The following PPM1K variants were observed in gnomAD, a reference collection of about 807,000 sequenced individuals.
The protein encoded by PPM1K is protein phosphatase, Mg2+/Mn2+ dependent 1K, also known as protein phosphatase Mn(2+)-dependent 1K.
PPM1K carries 19 observed loss-of-function variants against 32.6 expected under a neutral mutation model. The observed-to-expected ratio is 0.58, with a 90% CI of 0.41 to 0.86. The LOEUF is 0.86. Among genes scored for constraint, PPM1K ranks in the 40% least tolerant of loss-of-function variants. PPM1K has a pLI of 0.00. For missense variants in PPM1K, 362 were observed against 461.2 expected (o/e 0.78, Z 1.97); for synonymous variants, 159 against 165.3 (o/e 0.96, Z 0.29).
At chr4:88,264,630 A>C (rs953118136) in intron 6 of PPM1K, among the ~76,000 whole-genome samples, 4 of 152,230 alleles carry the variant, frequency 2.6e-5, no homozygotes, top group Non-Finnish European at 4.4e-5. Context: ...AAAGGACAAT[A>C]ATAGCTCCAA....
intron 5 of PPM1K, among the ~76,000 whole-genome samples, chr4:88,267,098 TGCTGATTGGGTGCAGGTGATGCTG>T (rs1731355321): frequency 1.6e-5 from 2 of 123,252 alleles, no homozygotes; most frequent in Admixed American, 8.7e-5. Context: ...ATGCAGGTGA[TGCTGATTGGGTGCAGGTGATGCTG>T]GCTGATTGGG....
In PPM1K at chr4:88,268,779, G is replaced by C. The variant is rs1731440616; in HGVS notation, c.669C>G (p.Thr223=). ...LCRKGKPMKL[T]IDHTPERKDE... is the part of the protein sequence containing the mutation. The stretch of plus-strand genomic sequence containing the variant: ...CTTTTCTTTCTGGAGTATGGTCAAT[G>C]GTCAGCTTCATGGGTTTTCCTTTTC... Residue 223 remains threonine (T), a synonymous_variant, in exon 4 of 7, where the codon ACC becomes ACG. Coordinates refer to ENST00000608933, the MANE Select transcript of PPM1K (RefSeq NM_152542.5). 2 of 1,613,982 alleles carry C rather than the reference G, an allele frequency of 1.2e-6. No homozygotes were observed. Among genetic ancestry groups the C allele is most frequent in the East Asian group, 4.5e-5 (2 of 44,880 alleles).
chr4:88,273,113 G>C (rs1731629753), intron 3 of PPM1K, among the ~76,000 whole-genome samples: 1 of 152,188 alleles, frequency 6.6e-6, no homozygotes, highest in Admixed American at 6.5e-5. Context: ...TCTTTATGTA[G>C]CTGTAACAGC....
At chr4:88,272,602 G>A (rs576320710) in intron 3 of PPM1K, among the ~76,000 whole-genome samples, 1 of 152,152 alleles carries the variant, frequency 6.6e-6, no homozygotes, top group African/African-American at 2.4e-5. Context: ...CGGATTTACT[G>A]GCTGCTTTTA....
chr4:88,266,689 G>C (rs1731324405), intron 5 of PPM1K, among the ~76,000 whole-genome samples: 1 of 146,500 alleles, frequency 6.8e-6, no homozygotes, highest in Admixed American at 6.8e-5. Context: ...CTGGCTGATT[G>C]GGTGCAGGTG....
intron 3 of PPM1K, 151 bp downstream of exon 3, chr4:88,276,992 G>C (rs1731790279): frequency 7.2e-6 from 5 of 690,074 alleles, no homozygotes; most frequent in Non-Finnish European, 1.2e-5. Context: ...CATTTAATGT[G>C]ATTCTTCATA....
At chr4:88,270,144 T>A (rs1429717130) in intron 3 of PPM1K, among the ~76,000 whole-genome samples, 1 of 150,216 alleles carries the variant, frequency 6.7e-6, no homozygotes, top group African/African-American at 2.4e-5. Flanking sequence ...CTTTCCAAGC[T>A]TTTTTTTTCT....
In PPM1K at chr4:88,261,665, C is replaced by T. The variant is rs938374690; in HGVS notation, c.*930G>A. 2 of 150,634 alleles carry T rather than the reference C, an allele frequency of 1.3e-5. No homozygotes were observed. The highest frequency in any genetic ancestry group is 4.9e-5 in the African/African-American group (2 of 41,064). 9.3% of individuals were successfully genotyped at this position (150,634 alleles called of 1,614,324 possible). On this transcript the variant is annotated 3_prime_UTR_variant, in exon 7 of 7. Coordinates refer to ENST00000608933, the MANE Select transcript of PPM1K (RefSeq NM_152542.5). ...AAATATGTATACAATTTAGTAATGT[C>T]ACATCATCTGAATTAATTTCTTTTC...
chr4:88,268,419 G>T, intron 4 of PPM1K, 85 bp from the exon 5 acceptor site: 2 of 1,465,578 alleles, frequency 1.4e-6, no homozygotes, highest in Non-Finnish European at 9.5e-7. Flanking sequence ...TCAGGAGATC[G>T]AGACCATCCT....
At chr4:88,275,247 C>A in intron 3 of PPM1K, 1 of 686,134 alleles carries the variant, frequency 1.5e-6, no homozygotes. Flanking sequence ...CATCCTTGCA[C>A]AAGGACCATG....
intron 3 of PPM1K, 140 bp from the exon 4 acceptor site, chr4:88,269,046 T>C: frequency 1.4e-6 from 1 of 698,044 alleles, no homozygotes; most frequent in Non-Finnish European, 2.3e-6. Flanking sequence ...GCTAAGCAAA[T>C]AAAATGCAAA....
At chr4:88,275,871 C>T in intron 3 of PPM1K, 1 of 985,368 alleles carries the variant, frequency 1.0e-6, no homozygotes, top group Non-Finnish European at 1.2e-6. Context: ...CCTCTTTCAG[C>T]TTCTGTCTTC....
intron 6 of PPM1K, among the ~76,000 whole-genome samples, chr4:88,263,339 A>G (rs946494085): frequency 6.6e-6 from 1 of 152,258 alleles, no homozygotes; most frequent in African/African-American, 2.4e-5. Flanking sequence ...TTGGAAAAAC[A>G]AACTGTAGAA....
At chr4:88,268,481 C>T (rs1433659436) in intron 4 of PPM1K, 147 bp from the exon 5 acceptor site, 7 of 945,282 alleles carry the variant, frequency 7.4e-6, no homozygotes, top group South Asian at 4.5e-5. Flanking sequence ...ATTAGCCGAG[C>T]GTGTTGGCAG....
chr4:88,272,922 T>G (rs1459231902), intron 3 of PPM1K, among the ~76,000 whole-genome samples: 1 of 152,230 alleles, frequency 6.6e-6, no homozygotes. Context: ...GCGTCTGTGG[T>G]TGGCATCGTC....
rs558525360 is a variant in PPM1K, at chr4:88,267,873, G to A, written c.852+317C>T. ...AATACTTTTAACTGAGGCCTTTCCC[G>A]TACAATGGGTTCAGCACGTGCAAAT... On this transcript the variant is annotated intron_variant, in intron 5 of 6. Coordinates refer to ENST00000608933, the MANE Select transcript of PPM1K (RefSeq NM_152542.5). Among the ~76,000 whole-genome samples the A allele has an allele frequency of 1.3e-4, 20 of 152,248 alleles. No homozygotes were observed. The South Asian group carries it at 3.7e-3, about 28-fold the overall frequency.
Position 88,262,736 on chromosome 4 carries a change from T to A in PPM1K, c.988-10A>T, listed in dbSNP as rs1338506543. On this transcript the variant is annotated splice_polypyrimidine_tract_variant and intron_variant, in intron 6 of 6. Coordinates refer to ENST00000608933, the MANE Select transcript of PPM1K (RefSeq NM_152542.5). Reference sequence around the variant, plus strand: ...TACCGTACTGTATTGCCTGCAAGGTTTGGCAGGAAGAAAGAGAAAAACATT... The same window carrying A: ...TACCGTACTGTATTGCCTGCAAGGTATGGCAGGAAGAAAGAGAAAAACATT... The A allele has an allele frequency of 6.3e-7, 1 of 1,591,052 alleles. No individual in the cohort carries two copies. The highest frequency in any genetic ancestry group is 8.5e-7 in the Non-Finnish European group (1 of 1,171,880).
Position 88,268,915 on chromosome 4 carries a change from A to G in PPM1K, c.542-9T>C, listed in dbSNP as rs1035758772. The G allele has an allele frequency of 6.3e-7, 1 of 1,591,500 alleles. No individual in the cohort carries two copies. Among genetic ancestry groups the G allele is most frequent in the African/African-American group, 1.4e-5 (1 of 73,734 alleles). ...AGAGGTCAGAAGAGTTGCTACAAGT[A>G]TTATGAAAAAAAGAGTACAAGTTAG... On this transcript the variant is annotated splice_polypyrimidine_tract_variant and intron_variant, in intron 3 of 6. Transcript: ENST00000608933.
Position 88,278,705 on chromosome 4 carries a change from A to G in PPM1K, c.-59-63T>C, listed in dbSNP as rs1731893657. On this transcript the variant is annotated intron_variant, in intron 1 of 6. Coordinates refer to ENST00000608933, the MANE Select transcript of PPM1K (RefSeq NM_152542.5). The surrounding 1 kb of genome is among the most constrained non-coding windows in gnomAD (Gnocchi z 4.2). ...GAGAGAGGGGCAGAGGAGGAGAGGG[A>G]GAGAGACAGAGAGAGAGAGACCATC... is the stretch of plus-strand genomic sequence containing the variant. The G allele has an allele frequency of 5.7e-6, 4 of 699,068 alleles. No individual in the cohort carries two copies. Among genetic ancestry groups the G allele is most frequent in the Non-Finnish European group, 9.4e-6 (4 of 424,170 alleles). The allele number at this position is 699,068 out of a possible 1,614,324, so 43.3% of individuals were successfully genotyped here.
Sources: allele counts gnomAD v4.1 joint callset (sites outside exome capture counted in the v4.1 genomes callset), GRCh38; gene constraint gnomAD v4.1.1; non-coding constraint Gnocchi (gnomAD v3.1); transcripts MANE v1.5; gene names NCBI Gene and HGNC (gene_info 2026-07-23, HGNC 2026-07-21).